The following HHAT variants were observed in gnomAD, a reference collection of about 807,000 sequenced individuals.
HHAT encodes the protein hedgehog acyltransferase, also known as protein-cysteine N-palmitoyltransferase HHAT.
HHAT carries 47 observed loss-of-function variants against 70.8 expected under a neutral mutation model. The ratio of observed to expected loss-of-function variants is 0.66; its 90% CI spans 0.53 to 0.85. HHAT has a LOEUF of 0.85. HHAT is among the 40% of genes least tolerant of loss of function. HHAT has a pLI of 0.00. For missense variants in HHAT, 609 were observed against 604.8 expected (o/e 1.01, Z -0.07); for synonymous variants, 228 against 247.6 (o/e 0.92, Z 0.74).
At chr1:210,394,725 T>A (rs980867841) in intron 4 of HHAT, among the ~76,000 whole-genome samples, 10 of 152,164 alleles carry the variant, frequency 6.6e-5, no homozygotes, top group Non-Finnish European at 1.2e-4. Context: ...CCCATGGTGC[T>A]GAGTGAGATG....
At position 210,426,866 on chromosome 1, in the gene HHAT, T is replaced by C. The variant is rs910998577; in HGVS notation, c.856+8541T>C. ...TGCTGGCCTCATAGAATGAATTAGG[T>C]AGGAATCTCTCCTTCTCAGTTTTTT... On this transcript the variant is annotated intron_variant, in intron 7 of 11. Transcript: ENST00000261458. Among the ~76,000 whole-genome samples, 4 of 152,038 alleles carry C rather than the reference T, an allele frequency of 2.6e-5. No individual in the cohort carries two copies. The South Asian group carries it at 6.2e-4, about 24-fold the overall frequency.
intron 11 of HHAT, among the ~76,000 whole-genome samples, chr1:210,651,114 C>T (rs540399776): frequency 2.6e-5 from 4 of 152,264 alleles, no homozygotes; most frequent in Admixed American, 2.0e-4. Flanking sequence ...GTAAGAATTC[C>T]TCTAGTTGAA....
chr1:210,403,693 A>C (rs1382370289), intron 5 of HHAT, among the ~76,000 whole-genome samples: 3 of 152,232 alleles, frequency 2.0e-5, no homozygotes, highest in Non-Finnish European at 4.4e-5. Context: ...ATGTATTTCC[A>C]TAAATAGTTT....
At chr1:210,509,753 CT>C (rs759766644) in intron 8 of HHAT, among the ~76,000 whole-genome samples, 1 of 152,206 alleles carries the variant, frequency 6.6e-6, no homozygotes, top group Non-Finnish European at 1.5e-5. Flanking sequence ...TTACTCTCCA[CT>C]AACCTCGCCT....
chr1:210,620,831 T>C (rs1668668792), intron 10 of HHAT, among the ~76,000 whole-genome samples: 1 of 152,156 alleles, frequency 6.6e-6, no homozygotes, highest in African/African-American at 2.4e-5. Context: ...AGATTTTAGT[T>C]GCCCCCCCTC....
chr1:210,670,745 G>T (rs191391387), intron 11 of HHAT, among the ~76,000 whole-genome samples: 1 of 152,304 alleles, frequency 6.6e-6, no homozygotes, highest in Admixed American at 6.5e-5. Context: ...TGAGCTGTGG[G>T]CATGTAACAA....
chr1:210,357,014 C>G (rs1352631691), intron 2 of HHAT, among the ~76,000 whole-genome samples: 2 of 152,248 alleles, frequency 1.3e-5, no homozygotes, highest in African/African-American at 2.4e-5. Flanking sequence ...GAAGCATTAA[C>G]AGTGAGTGTT....
At chr1:210,416,925 A>T (rs2092737939) in intron 6 of HHAT, among the ~76,000 whole-genome samples, 1 of 152,162 alleles carries the variant, frequency 6.6e-6, no homozygotes, top group African/African-American at 2.4e-5. Flanking sequence ...GGAAACCCAG[A>T]CTCGGAAAGG....
chr1:210,331,802 C>T (rs1490109454), intron 1 of HHAT, among the ~76,000 whole-genome samples: 4 of 149,564 alleles, frequency 2.7e-5, no homozygotes, highest in African/African-American at 7.5e-5. Context: ...ACAGTTCTCC[C>T]CTGAAGGGAC....
At chr1:210,341,557 G>A (rs571736836) in intron 1 of HHAT, among the ~76,000 whole-genome samples, 7 of 152,300 alleles carry the variant, frequency 4.6e-5, no homozygotes, top group Admixed American at 1.3e-4. Flanking sequence ...TTCTCTGTCC[G>A]TGGGTAGATC....
chr1:210,655,528 AG>A (rs1329616329), intron 11 of HHAT, among the ~76,000 whole-genome samples: 3 of 152,302 alleles, frequency 2.0e-5, no homozygotes, highest in Non-Finnish European at 4.4e-5. Context: ...GGAGGTGCAG[AG>A]GATACCCATC....
At chr1:210,563,544 C>T (rs1250832947) in intron 9 of HHAT, among the ~76,000 whole-genome samples, 2 of 152,140 alleles carry the variant, frequency 1.3e-5, no homozygotes, top group African/African-American at 2.4e-5. Flanking sequence ...CACAAGGGCA[C>T]TCTTGCACAG....
intron 9 of HHAT, among the ~76,000 whole-genome samples, chr1:210,513,921 C>A (rs573738124): frequency 6.6e-6 from 1 of 152,146 alleles, no homozygotes; most frequent in African/African-American, 2.4e-5. Flanking sequence ...ACAAGGAAAC[C>A]AGAAATTATG....
At chr1:210,652,133 G>C (rs996941050) in intron 11 of HHAT, among the ~76,000 whole-genome samples, 1 of 152,174 alleles carries the variant, frequency 6.6e-6, no homozygotes. Flanking sequence ...ACCCCAAGTA[G>C]TATTAAATGG....
chr1:210,594,093 T>C (rs182014175), intron 10 of HHAT, among the ~76,000 whole-genome samples: 1 of 152,130 alleles, frequency 6.6e-6, no homozygotes, highest in Non-Finnish European at 1.5e-5. Context: ...GCCCACAGAT[T>C]ATGGGGTCCT....
intron 7 of HHAT, among the ~76,000 whole-genome samples, chr1:210,439,143 C>T (rs1439673393): frequency 6.6e-6 from 1 of 151,840 alleles, no homozygotes; most frequent in East Asian, 1.9e-4. Context: ...TAACAGCATC[C>T]TCAGCCCACA....
intron 8 of HHAT, among the ~76,000 whole-genome samples, chr1:210,467,370 T>C (rs564596795): frequency 2.0e-5 from 3 of 152,346 alleles, no homozygotes; most frequent in African/African-American, 7.2e-5. Flanking sequence ...AGGTTGACCA[T>C]GTTTCATGTT....
chr1:210,592,789 A>G (rs1341995915), intron 10 of HHAT, among the ~76,000 whole-genome samples: 1 of 151,888 alleles, frequency 6.6e-6, no homozygotes, highest in Admixed American at 6.6e-5. Flanking sequence ...ATTCATAGCT[A>G]TTATAATTGG....
intron 3 of HHAT, among the ~76,000 whole-genome samples, chr1:210,365,652 G>A (rs994870308): frequency 1.5e-4 from 22 of 151,362 alleles, no homozygotes; most frequent in African/African-American, 4.9e-4. Flanking sequence ...GTCTCGCTCT[G>A]TAACCCAGGC....
Sources: gnomAD v4.1 joint callset for allele counts (sites outside exome capture counted in the v4.1 genomes callset) on GRCh38, gnomAD v4.1.1 for gene constraint, MANE v1.5 for transcripts, NCBI Gene and HGNC (gene_info 2026-07-23, HGNC 2026-07-21) for gene names.